Variants in ST8SIA2 observed in about 807,000 individuals in gnomAD.
The protein encoded by ST8SIA2 is alpha-2,8-sialyltransferase 8B.
Under a neutral mutation model 37.6 loss-of-function variants are expected in ST8SIA2, and 22 were observed. That is an observed-to-expected ratio of 0.58 (90% CI 0.42 to 0.83). The LOEUF (loss-of-function observed/expected upper bound fraction) is 0.83, where lower values mean the gene tolerates loss of function less well. Among genes scored for constraint, ST8SIA2 ranks in the 40% least tolerant of loss-of-function variants. The pLI is 0.00. For synonymous variants in ST8SIA2, 205 were observed against 201.2 expected (o/e 1.02, Z -0.16); for missense variants, 382 against 484.7 (o/e 0.79, Z 1.99).
chr15:92,445,002 C>T, intron 5 of ST8SIA2, 73 bp downstream of exon 5: 1 of 1,590,170 alleles, frequency 6.3e-7, no homozygotes, highest in South Asian at 1.1e-5. Flanking sequence ...GTATCCCTTT[C>T]CCAGGTGCAT....
At chr15:92,440,127 G>A (rs568112700) in intron 4 of ST8SIA2, among the ~76,000 whole-genome samples, 3 of 152,296 alleles carry the variant, frequency 2.0e-5, no homozygotes, top group South Asian at 4.2e-4. Context: ...AGTCAGCAGC[G>A]CACAGTCCAA....
At position 92,438,590 on chromosome 15, in the gene ST8SIA2, C is replaced by T. The variant is rs115974531; in HGVS notation, c.528C>T (p.Asp176=). ...LLNSGCGQEI[D]AHSFVIRCNL... ...ACAGCGGCTGTGGGCAGGAGATTGA[C>T]GCCCACAGCTTCGTCATCAGGTAAC... The change falls in exon 4 of 6, where the codon GAC becomes GAT. Residue 176 remains aspartate (D), a synonymous_variant. Transcript: ENST00000268164. 1.9e-3 allele frequency: 3,052 copies of T among 1,608,938 alleles called. 43 individuals carry two copies. The African/African-American group carries it at 0.035, about 18-fold the overall frequency.
chr15:92,410,253 T>C (rs150160874), intron 1 of ST8SIA2, among the ~76,000 whole-genome samples: 2 of 152,352 alleles, frequency 1.3e-5, no homozygotes, highest in African/African-American at 4.8e-5. Flanking sequence ...TTCCTTGCCC[T>C]GAAATTTTAG....
intron 5 of ST8SIA2, among the ~76,000 whole-genome samples, chr15:92,451,240 A>C (rs551983367): frequency 6.6e-6 from 1 of 152,308 alleles, no homozygotes; most frequent in Non-Finnish European, 1.5e-5. Flanking sequence ...ATTTGCACTC[A>C]TTTAGGGACA....
Position 92,404,667 on chromosome 15 carries a change from CAA to C in ST8SIA2, c.98+10523_98+10524del, listed in dbSNP as rs35691790. ...TGAAACCCTGTCTTTACTAAAAATA[CAA>C]AAAAAAAAAAAAAAAAATTAGCTGG... is the stretch of plus-strand genomic sequence containing the variant. On this transcript the variant is annotated intron_variant, in intron 1 of 5. Coordinates refer to ENST00000268164, the MANE Select transcript of ST8SIA2 (RefSeq NM_006011.4). Among the ~76,000 whole-genome samples, 497 of 105,158 alleles carry C rather than the reference CAA, an allele frequency of 4.7e-3. 6 individuals are homozygous for C. Among genetic ancestry groups the C allele is most frequent in the African/African-American group, 0.012 (309 of 26,792 alleles). The allele number at this position is 105,158 out of a possible 152,430, so 69.0% of individuals were successfully genotyped here. A position where few individuals can be genotyped will look rare whatever the true frequency, so the allele number is the denominator to read the frequency against.
intron 1 of ST8SIA2, among the ~76,000 whole-genome samples, chr15:92,406,038 G>A (rs921130938): frequency 6.6e-6 from 1 of 152,148 alleles, no homozygotes; most frequent in Non-Finnish European, 1.5e-5. Context: ...TGGCTCAAGG[G>A]TGAACCTGAA....
intron 5 of ST8SIA2, among the ~76,000 whole-genome samples, chr15:92,448,808 G>A (rs573492709): frequency 7.2e-5 from 11 of 152,090 alleles, no homozygotes; most frequent in Non-Finnish European, 1.6e-4. Flanking sequence ...CAGAGCAGTG[G>A]ACTAAGTTAA....
At chr15:92,458,751 G>A (rs947231246) in intron 5 of ST8SIA2, among the ~76,000 whole-genome samples, 1 of 152,204 alleles carries the variant, frequency 6.6e-6, no homozygotes, top group South Asian at 2.1e-4. Context: ...GCTGCCCAGA[G>A]ACAGGGCAAA....
At chr15:92,411,355 T>C (rs1239843249) in intron 1 of ST8SIA2, among the ~76,000 whole-genome samples, 2 of 151,836 alleles carry the variant, frequency 1.3e-5, no homozygotes, top group Admixed American at 1.3e-4. Context: ...GGGAGTAGCA[T>C]TGAGGGTCGG....
intron 5 of ST8SIA2, among the ~76,000 whole-genome samples, chr15:92,445,804 G>A (rs1344765317): frequency 1.3e-5 from 2 of 152,114 alleles, no homozygotes; most frequent in African/African-American, 4.8e-5. Flanking sequence ...TTCCTATCAA[G>A]AAGTCCATGT....
chr15:92,424,982 A>G (rs2049665136), intron 1 of ST8SIA2, among the ~76,000 whole-genome samples: 1 of 152,172 alleles, frequency 6.6e-6, no homozygotes, highest in Non-Finnish European at 1.5e-5. Context: ...TATTACTAGT[A>G]TTATACCTTA....
At chr15:92,451,166 G>A (rs770388715) in intron 5 of ST8SIA2, among the ~76,000 whole-genome samples, 5 of 152,174 alleles carry the variant, frequency 3.3e-5, no homozygotes, top group Non-Finnish European at 7.3e-5. Flanking sequence ...CAGCATCTAA[G>A]TGGCACAACC....
In ST8SIA2 at chr15:92,464,630, A is replaced by C; in HGVS notation, c.*245A>C. The C allele has an allele frequency of 3.6e-6, 2 of 548,552 alleles. No homozygotes were observed. Among genetic ancestry groups the C allele is most frequent in the East Asian group, 3.2e-5 (1 of 31,710 alleles). 34.0% of individuals were successfully genotyped at this position (548,552 alleles called of 1,614,324 possible). On this transcript the variant is annotated 3_prime_UTR_variant, in exon 6 of 6. Transcript: ENST00000268164. ...CACAGGAAGAAGGTGTGGAGAACCC[A>C]CCTGAACCAGATTGAGACTCAATCC...
chr15:92,418,118 T>C (rs1024438611), intron 1 of ST8SIA2, among the ~76,000 whole-genome samples: 4 of 152,098 alleles, frequency 2.6e-5, no homozygotes, highest in African/African-American at 9.7e-5. Flanking sequence ...TTAACCTTTT[T>C]GAGCCTGGGT....
chr15:92,452,000 T>C (rs1188037622), intron 5 of ST8SIA2, among the ~76,000 whole-genome samples: 1 of 152,196 alleles, frequency 6.6e-6, no homozygotes, highest in Non-Finnish European at 1.5e-5. Flanking sequence ...CTTTTTATGT[T>C]TCAAGTAAGA....
At chr15:92,408,672 AT>A (rs568463772) in intron 1 of ST8SIA2, among the ~76,000 whole-genome samples, 9 of 144,374 alleles carry the variant, frequency 6.2e-5, no homozygotes, top group Admixed American at 7.0e-5. Flanking sequence ...ACTGAGTTCC[AT>A]TTTTTTTATT....
chr15:92,397,142 A>G (rs1425050371), intron 1 of ST8SIA2, among the ~76,000 whole-genome samples: 1 of 152,344 alleles, frequency 6.6e-6, no homozygotes, highest in East Asian at 1.9e-4. Context: ...GGAAAGATAG[A>G]AGGAACCTCT....
chr15:92,413,931 G>A (rs898105359), intron 1 of ST8SIA2, among the ~76,000 whole-genome samples: 7 of 152,202 alleles, frequency 4.6e-5, no homozygotes, highest in Non-Finnish European at 8.8e-5. Flanking sequence ...ACCGTCTATA[G>A]GCACCAGCCC....
chr15:92,415,395 T>C (rs1040121257), intron 1 of ST8SIA2, among the ~76,000 whole-genome samples: 1 of 151,692 alleles, frequency 6.6e-6, no homozygotes, highest in Non-Finnish European at 1.5e-5. Context: ...GTCAGGGAAG[T>C]TTGTGGAGAA....
Sources: gnomAD v4.1 joint callset for allele counts (sites outside exome capture counted in the v4.1 genomes callset) on GRCh38, gnomAD v4.1.1 for gene constraint, MANE v1.5 for transcripts, NCBI Gene and HGNC (gene_info 2026-07-23, HGNC 2026-07-21) for gene names.